OSBPL8: variants seen among roughly 807,000 people sequenced by gnomAD.
The protein encoded by OSBPL8 is oxysterol-binding protein-related protein 8.
OSBPL8 carries 59 observed loss-of-function variants against 125.5 expected under a neutral mutation model. That is an observed-to-expected ratio of 0.47 (90% CI 0.38 to 0.58). OSBPL8 has a LOEUF of 0.58. OSBPL8 is among the 20% of genes least tolerant of loss of function. The pLI is 0.00. For missense variants in OSBPL8, 758 were observed against 1,047.8 expected, an observed-to-expected ratio of 0.72 and a Z score of 3.82; for synonymous variants, 330 against 338.9, an observed-to-expected ratio of 0.97 and a Z score of 0.29.
chr12:76,400,105 A>G (rs769066683), intron 6 of OSBPL8, 131 bp from the exon 7 acceptor site: 114 of 665,106 alleles, frequency 1.7e-4, no homozygotes, highest in Non-Finnish European at 2.7e-4. Context: ...TACATATTTT[A>G]TCATTCAGGT....
rs1438212675 is a variant in OSBPL8 at position 76,358,706 on chromosome 12, C to T, written c.2434G>A (p.Ala812Thr). 2 of 1,601,712 alleles carry T rather than the reference C, an allele frequency of 1.2e-6. No homozygotes were observed. Among genetic ancestry groups the T allele is most frequent in the Non-Finnish European group, 1.7e-6 (2 of 1,169,088 alleles). The change falls in exon 22 of 24, where the codon GCT becomes ACT. Residue 812 changes from alanine to threonine, a missense_variant and splice_region_variant. Ala to Thr is a moderately conservative substitution (Grantham distance 58). Around this residue, in one of 3 missense-constraint regions of OSBPL8, gnomAD observed 572 missense variants for 762.0 expected, o/e 0.75. Transcript: ENST00000261183. ...ATTAGTCTGCAATAAATATTTTTAC[C>T]TTCACTTCCAGAGGAGTCTTGAATG... is the stretch of plus-strand genomic sequence containing the variant. ...PDIQDSSGSE[A>T]QSVKPSTRRK...
chr12:76,377,689 G>T (rs750552263), intron 16 of OSBPL8, among the ~76,000 whole-genome samples: 1 of 152,066 alleles, frequency 6.6e-6, no homozygotes, highest in Non-Finnish European at 1.5e-5. Flanking sequence ...AAGATTTTAA[G>T]AAACCGGTTG....
intron 2 of OSBPL8, among the ~76,000 whole-genome samples, chr12:76,478,942 G>A (rs886723890): frequency 6.6e-5 from 10 of 152,200 alleles, no homozygotes; most frequent in Non-Finnish European, 8.8e-5. Flanking sequence ...AAAATTAGCC[G>A]GGTGTGATGG....
chr12:76,460,220 A>G (rs1477183861), intron 2 of OSBPL8, among the ~76,000 whole-genome samples: 2 of 152,198 alleles, frequency 1.3e-5, no homozygotes, highest in African/African-American at 4.8e-5. Flanking sequence ...ACAATTCAAG[A>G]TATGTTAGTA....
intron 1 of OSBPL8, among the ~76,000 whole-genome samples, chr12:76,489,554 T>C (rs1878496982): frequency 6.6e-6 from 1 of 152,246 alleles, no homozygotes; most frequent in African/African-American, 2.4e-5. Context: ...GCCTGTATGA[T>C]AGCACATCTG....
At chr12:76,520,043 C>T (rs930704487) in intron 1 of OSBPL8, among the ~76,000 whole-genome samples, 4 of 152,182 alleles carry the variant, frequency 2.6e-5, no homozygotes, top group African/African-American at 9.7e-5. Context: ...CTACCTCCCA[C>T]AAACCCTCCT....
At position 76,373,415 on chromosome 12, in the gene OSBPL8, C is replaced by A; in HGVS notation, c.1846G>T (p.Asp616Tyr). 6.2e-7 allele frequency: 1 copy of A among 1,606,482 alleles called. No homozygotes were observed. Among genetic ancestry groups the A allele is most frequent in the Non-Finnish European group, 8.5e-7 (1 of 1,174,948 alleles). The change falls in exon 18 of 24, where the codon GAC becomes TAC. Residue 616 changes from aspartate to tyrosine, a missense_variant. Around this residue, in one of 3 missense-constraint regions of OSBPL8, gnomAD observed 572 missense variants for 762.0 expected, o/e 0.75. Transcript: ENST00000261183. ...TTCCCTGATATTTGATTAACACAGT[C>A]ACTACTCCCTAGGAATGGCTTTTAA... Reference protein sequence around the residue: ...FKLKPFLGSSDCVNQISGKLK... With the variant: ...FKLKPFLGSSYCVNQISGKLK...
chr12:76,490,902 C>T (rs994624018), intron 1 of OSBPL8, among the ~76,000 whole-genome samples: 8 of 152,218 alleles, frequency 5.3e-5, no homozygotes, highest in Non-Finnish European at 7.3e-5. Context: ...AGAGCCTGCA[C>T]GGAGTTCGCT....
intron 5 of OSBPL8, among the ~76,000 whole-genome samples, chr12:76,405,033 G>A (rs762248288): frequency 5.3e-5 from 8 of 152,176 alleles, no homozygotes; most frequent in Non-Finnish European, 8.8e-5. Context: ...AAGCTACAAA[G>A]TGGATGAGCT....
At chr12:76,468,666 ACT>A (rs1444253392) in intron 2 of OSBPL8, among the ~76,000 whole-genome samples, 9 of 152,096 alleles carry the variant, frequency 5.9e-5, no homozygotes, top group African/African-American at 1.7e-4. Context: ...TCGTTCTCCA[ACT>A]CTGACTTTCT....
chr12:76,522,773 C>A (rs983162659), intron 1 of OSBPL8, among the ~76,000 whole-genome samples: 1 of 152,126 alleles, frequency 6.6e-6, no homozygotes, highest in Non-Finnish European at 1.5e-5. Context: ...TACAGAAACA[C>A]AAAATGAACT....
chr12:76,426,312 C>T (rs1870140931), intron 4 of OSBPL8, among the ~76,000 whole-genome samples: 1 of 152,172 alleles, frequency 6.6e-6, no homozygotes, highest in African/African-American at 2.4e-5. Flanking sequence ...CAGAGTGGTG[C>T]TCTCTGGACC....
At chr12:76,398,816 A>G (rs894377974) in intron 7 of OSBPL8, among the ~76,000 whole-genome samples, 3 of 152,184 alleles carry the variant, frequency 2.0e-5, no homozygotes, top group African/African-American at 7.2e-5. Flanking sequence ...GAAAAGAGAA[A>G]ATCTAAGATA....
At chr12:76,475,333 G>A (rs939557939) in intron 2 of OSBPL8, among the ~76,000 whole-genome samples, 2 of 152,098 alleles carry the variant, frequency 1.3e-5, no homozygotes, top group East Asian at 1.9e-4. Context: ...ATTATTTATG[G>A]ATACTGAAGG....
chr12:76,384,222 G>A (rs1349789529), intron 15 of OSBPL8, 32 bp downstream of exon 15: 1 of 1,289,730 alleles, frequency 7.8e-7, no homozygotes, highest in East Asian at 2.4e-5. Context: ...TACCTCCCAG[G>A]AGAGGGTGCA....
chr12:76,400,196 G>A (rs148303420), intron 6 of OSBPL8, among the ~76,000 whole-genome samples: 1 of 152,194 alleles, frequency 6.6e-6, no homozygotes, highest in African/African-American at 2.4e-5. Flanking sequence ...TCCAGTGTGT[G>A]TTGTGTCCCT....
At chr12:76,383,789 T>C (rs1187236709) in intron 15 of OSBPL8, among the ~76,000 whole-genome samples, 1 of 152,262 alleles carries the variant, frequency 6.6e-6, no homozygotes, top group Non-Finnish European at 1.5e-5. Flanking sequence ...ACCATTTCTC[T>C]ATTTTCCCTT....
chr12:76,507,726 G>A (rs1190634872), intron 1 of OSBPL8, among the ~76,000 whole-genome samples: 3 of 151,652 alleles, frequency 2.0e-5, no homozygotes, highest in African/African-American at 7.3e-5. Context: ...AGGAGGCTGA[G>A]GCAGGAGAAA....
intron 4 of OSBPL8, among the ~76,000 whole-genome samples, chr12:76,442,369 C>T (rs954628559): frequency 3.9e-5 from 6 of 152,112 alleles, no homozygotes; most frequent in Non-Finnish European, 8.8e-5. Flanking sequence ...ATATTATATT[C>T]TCTTTCATTA....
Sources: allele counts gnomAD v4.1 joint callset (sites outside exome capture counted in the v4.1 genomes callset), GRCh38; gene constraint gnomAD v4.1.1; regional missense constraint gnomAD v4.1.1; transcripts MANE v1.5; gene names NCBI Gene and HGNC (gene_info 2026-07-23, HGNC 2026-07-21).